Variants in MAD1L1 observed in about 807,000 individuals in gnomAD.
The protein encoded by MAD1L1 is mitotic arrest deficient 1 like 1.
A neutral mutation model predicts 96.9 loss-of-function variants in MAD1L1; 95 were observed. That is an observed-to-expected ratio of 0.98 (90% CI 0.83 to 1.16). The LOEUF (loss-of-function observed/expected upper bound fraction) is 1.16, where lower values mean the gene tolerates loss of function less well. Ranked by LOEUF, MAD1L1 falls within the 50% of genes most tolerant of loss-of-function variation. MAD1L1 has a pLI of 0.00. For synonymous variants in MAD1L1, 473 were observed against 396.6 expected, an observed-to-expected ratio of 1.19 and a Z score of -2.29; for missense variants, 1,007 against 954.4, an observed-to-expected ratio of 1.06 and a Z score of -0.73.
chr7:2,062,940 CAA>C (rs1370472397), intron 12 of MAD1L1, among the ~76,000 whole-genome samples: 2 of 152,148 alleles, frequency 1.3e-5, no homozygotes, highest in Non-Finnish European at 2.9e-5. Context: ...AAGATAAAAA[CAA>C]AGAGAAGCCA....
At chr7:1,900,821 G>A (rs750724774) in intron 17 of MAD1L1, among the ~76,000 whole-genome samples, 2 of 152,228 alleles carry the variant, frequency 1.3e-5, no homozygotes, top group Non-Finnish European at 2.9e-5. Context: ...CTTCAAAGCT[G>A]CCTGTGCCGC....
chr7:2,007,582 G>A (rs1316526097), intron 13 of MAD1L1, among the ~76,000 whole-genome samples: 7 of 152,244 alleles, frequency 4.6e-5, no homozygotes, highest in Non-Finnish European at 1.0e-4. Flanking sequence ...ACCAAGGCAG[G>A]AGAATCACTT....
At chr7:1,827,998 G>T (rs1782516464) in intron 18 of MAD1L1, among the ~76,000 whole-genome samples, 1 of 152,112 alleles carries the variant, frequency 6.6e-6, no homozygotes, top group African/African-American at 2.4e-5. Flanking sequence ...GGGGTGAGGA[G>T]GGCCGGAGAT....
intron 13 of MAD1L1, among the ~76,000 whole-genome samples, chr7:2,007,157 G>A (rs1782067280): frequency 6.6e-6 from 1 of 152,208 alleles, no homozygotes; most frequent in African/African-American, 2.4e-5. Flanking sequence ...CACCAGAGAA[G>A]AGGCGCCGAG....
intron 16 of MAD1L1, among the ~76,000 whole-genome samples, chr7:1,944,450 G>C (rs1370592525): frequency 6.6e-6 from 1 of 152,206 alleles, no homozygotes; most frequent in African/African-American, 2.4e-5. Context: ...AGCTGCCAGA[G>C]CCTGCGGGGC....
In MAD1L1 at chr7:1,904,783, C is replaced by T. The variant is rs1426056885; in HGVS notation, c.1808-6393G>A. ...CAAGCACGCAGTGGCCTATTGAAGA[C>T]GCTCCTGCGGAACTCATGATTGATC... On this transcript the variant is annotated intron_variant, in intron 17 of 18. Coordinates refer to ENST00000265854, the MANE Select transcript of MAD1L1 (RefSeq NM_001013836.2). Among the ~76,000 whole-genome samples, 51 of 115,014 alleles carry T rather than the reference C, an allele frequency of 4.4e-4. 15 individuals are homozygous for T. The highest frequency in any genetic ancestry group is 2.0e-3 in the African/African-American group (47 of 23,072). 75.5% of individuals were successfully genotyped at this position (115,014 alleles called of 152,430 possible).
chr7:1,852,273 G>A (rs1053737866), intron 18 of MAD1L1, among the ~76,000 whole-genome samples: 18 of 152,218 alleles, frequency 1.2e-4, no homozygotes, highest in African/African-American at 4.3e-4. Context: ...CGGCAGCTGG[G>A]TTCAGGCCCC....
rs912458922 is a variant in MAD1L1 at position 1,968,846 on chromosome 7, G to A, written c.1506-11127C>T. On this transcript the variant is annotated intron_variant, in intron 15 of 18. Coordinates refer to ENST00000265854, the MANE Select transcript of MAD1L1 (RefSeq NM_001013836.2). The surrounding 1 kb of genome is among the most constrained non-coding windows in gnomAD (Gnocchi z 5.6). Reference sequence around the variant, plus strand: ...AAAGACAAAACTGTCACCGACCAGCGGCAGAAGAGATGTGACGACTAAAAT... The same window carrying A: ...AAAGACAAAACTGTCACCGACCAGCAGCAGAAGAGATGTGACGACTAAAAT... Among the ~76,000 whole-genome samples the A allele has an allele frequency of 8.5e-5, 13 of 152,222 alleles. No individual in the cohort carries two copies. The highest frequency in any genetic ancestry group is 2.7e-4 in the African/African-American group (11 of 41,458).
intron 17 of MAD1L1, 29 bp downstream of exon 17, chr7:1,936,658 G>T: frequency 1.9e-6 from 3 of 1,540,838 alleles, no homozygotes; most frequent in Non-Finnish European, 1.7e-6. Context: ...GGTCGAGGAT[G>T]GCAGGGACCG....
At chr7:1,868,384 C>T (rs1243390710) in intron 18 of MAD1L1, among the ~76,000 whole-genome samples, 1 of 152,210 alleles carries the variant, frequency 6.6e-6, no homozygotes, top group Non-Finnish European at 1.5e-5. Flanking sequence ...ACACACCACG[C>T]TTCCCGGGCT....
At chr7:2,163,798 G>C (rs1386068458) in intron 10 of MAD1L1, among the ~76,000 whole-genome samples, 1 of 152,068 alleles carries the variant, frequency 6.6e-6, no homozygotes, top group Non-Finnish European at 1.5e-5. Context: ...GCTCCTCTCA[G>C]AGCTGCCCCC....
At chr7:2,186,792 CTTTTT>C (rs111676405) in intron 10 of MAD1L1, among the ~76,000 whole-genome samples, 1 of 143,118 alleles carries the variant, frequency 7.0e-6, no homozygotes, top group Admixed American at 7.0e-5. Flanking sequence ...TTTTCTTTTT[CTTTTT>C]TTTTTTTTTT....
intron 11 of MAD1L1, among the ~76,000 whole-genome samples, chr7:2,147,458 CAT>C (rs1789366064): frequency 6.6e-6 from 1 of 152,260 alleles, no homozygotes; most frequent in South Asian, 2.1e-4. Context: ...CAGACACACA[CAT>C]GAAAGCAAGC....
intron 17 of MAD1L1, among the ~76,000 whole-genome samples, chr7:1,913,181 T>C (rs1220546651): frequency 6.6e-6 from 1 of 152,122 alleles, no homozygotes; most frequent in Non-Finnish European, 1.5e-5. Flanking sequence ...CGGATTCCTA[T>C]GTAATGAACT....
intron 10 of MAD1L1, among the ~76,000 whole-genome samples, chr7:2,187,779 T>C (rs1197606346): frequency 6.6e-6 from 1 of 152,230 alleles, no homozygotes; most frequent in Non-Finnish European, 1.5e-5. Flanking sequence ...CTAGCCCTTT[T>C]TATGTAAAAT....
At chr7:1,988,254 C>G (rs933193317) in intron 14 of MAD1L1, among the ~76,000 whole-genome samples, 1 of 152,190 alleles carries the variant, frequency 6.6e-6, no homozygotes, top group African/African-American at 2.4e-5. Context: ...GGTCACAGAG[C>G]AAGACTCACC....
chr7:1,922,138 C>T (rs1296055715), intron 17 of MAD1L1, among the ~76,000 whole-genome samples: 4 of 152,228 alleles, frequency 2.6e-5, no homozygotes, highest in South Asian at 2.1e-4. Flanking sequence ...AGGCTGCAGG[C>T]GGGCTGAGGT....
At chr7:2,213,499 C>T (rs970919831) in intron 9 of MAD1L1, among the ~76,000 whole-genome samples, 5 of 152,168 alleles carry the variant, frequency 3.3e-5, no homozygotes, top group African/African-American at 7.2e-5. Context: ...TTCCTGGCCC[C>T]GTAAATTCAA....
rs961173936 is a variant in MAD1L1 at position 2,088,565 on chromosome 7, C to T, written c.1074-19227G>A. Among the ~76,000 whole-genome samples, 3 of 152,176 alleles carry T rather than the reference C, an allele frequency of 2.0e-5. No homozygotes were observed. Among genetic ancestry groups the T allele is most frequent in the African/African-American group, 4.8e-5 (2 of 41,446 alleles). On this transcript the variant is annotated intron_variant, in intron 11 of 18. Transcript: ENST00000265854. The surrounding 1 kb of genome is among the most constrained non-coding windows in gnomAD (Gnocchi z 4.4). ...GTGCACATCCATCTCCCTGGGAGGCCGGGGAGATCAGGACGGTGTGGCACA... is the reference window on the plus strand; with the variant it reads ...GTGCACATCCATCTCCCTGGGAGGCTGGGGAGATCAGGACGGTGTGGCACA...
Sources: allele counts gnomAD v4.1 joint callset (sites outside exome capture counted in the v4.1 genomes callset), GRCh38; gene constraint gnomAD v4.1.1; non-coding constraint Gnocchi (gnomAD v3.1); transcripts MANE v1.5; gene names NCBI Gene and HGNC (gene_info 2026-07-23, HGNC 2026-07-21).